Variants in NCKAP1L observed in about 807,000 individuals in gnomAD.
The protein encoded by NCKAP1L is nck-associated protein 1-like.
Under a neutral mutation model 139.2 loss-of-function variants are expected in NCKAP1L, and 53 were observed. That is an observed-to-expected ratio of 0.38 (90% CI 0.31 to 0.48). The LOEUF is 0.48. NCKAP1L is among the 20% of genes least tolerant of loss of function. The probability of loss-of-function intolerance (pLI) is 0.98; values close to 1 mark genes in which losing one functional copy is unlikely to be tolerated. For missense variants in NCKAP1L, 1,151 were observed against 1,381.9 expected (o/e 0.83, Z 2.65); for synonymous variants, 468 against 499.7 (o/e 0.94, Z 0.85).
At chr12:54,534,117 G>T (rs192292355) in intron 26 of NCKAP1L, among the ~76,000 whole-genome samples, 119 of 152,260 alleles carry the variant, frequency 7.8e-4, no homozygotes, top group African/African-American at 2.6e-3. Context: ...AAGGTAAAGA[G>T]AAATGCAAAA....
At chr12:54,527,948 G>A (rs544230726) in intron 21 of NCKAP1L, among the ~76,000 whole-genome samples, 1 of 152,280 alleles carries the variant, frequency 6.6e-6, no homozygotes, top group African/African-American at 2.4e-5. Flanking sequence ...AAGGGTGAGG[G>A]GAATACAGCT....
At chr12:54,538,994 G>A (rs1189302448) in intron 30 of NCKAP1L, 21 bp downstream of exon 30, 1 of 1,607,346 alleles carries the variant, frequency 6.2e-7, no homozygotes, top group Non-Finnish European at 8.5e-7. Flanking sequence ...TATTTAAATT[G>A]GTGTGAGAAT....
In NCKAP1L at chr12:54,523,391, A is replaced by G; in HGVS notation, c.1879-3A>G. On this transcript the variant is annotated splice_region_variant and splice_polypyrimidine_tract_variant and intron_variant, in intron 18 of 30. Transcript: ENST00000293373. ...CTCCATTTACCTGTGTTTGTTTCTG[A>G]AGCTTCTACCTAAGCACTGTGCCAC... The G allele has an allele frequency of 6.2e-7, 1 of 1,607,068 alleles. No homozygotes were observed. The highest frequency in any genetic ancestry group is 8.5e-7 in the Non-Finnish European group (1 of 1,178,098).
At chr12:54,509,386 C>G (rs1341156282) in intron 5 of NCKAP1L, among the ~76,000 whole-genome samples, 2 of 152,136 alleles carry the variant, frequency 1.3e-5, no homozygotes, top group African/African-American at 4.8e-5. Context: ...AACTAATTAA[C>G]AGATTTATAG....
chr12:54,533,992 G>A (rs1336430838), intron 26 of NCKAP1L, among the ~76,000 whole-genome samples: 1 of 152,186 alleles, frequency 6.6e-6, no homozygotes, highest in Non-Finnish European at 1.5e-5. Context: ...GGGAGTAGGG[G>A]CTTGGGGCTG....
At chr12:54,508,293 G>T in intron 4 of NCKAP1L, 96 bp from the exon 5 acceptor site, 1 of 1,213,946 alleles carries the variant, frequency 8.2e-7, no homozygotes, top group South Asian at 1.4e-5. Flanking sequence ...GATTCACTCG[G>T]AATATATTGA....
chr12:54,507,991 G>A lies in NCKAP1L; in HGVS notation c.363+82G>A, dbSNP rs985427502. 37 of 1,219,194 alleles carry A rather than the reference G, an allele frequency of 3.0e-5. No homozygotes were observed. The African/African-American group carries it at 5.4e-4, about 18-fold the overall frequency. The allele number at this position is 1,219,194 out of a possible 1,614,324, so 75.5% of individuals were successfully genotyped here. On this transcript the variant is annotated intron_variant, in intron 4 of 30. Coordinates refer to ENST00000293373, the MANE Select transcript of NCKAP1L (RefSeq NM_005337.5). The stretch of plus-strand genomic sequence containing the variant: ...GTTGGGAGGTCTAGGTCTACTCACA[G>A]GATGGGGTGGGAAGGGACTGGAAGG...
intron 18 of NCKAP1L, among the ~76,000 whole-genome samples, chr12:54,522,092 C>A (rs566956758): frequency 3.3e-5 from 5 of 152,110 alleles, no homozygotes; most frequent in Non-Finnish European, 2.9e-5. Flanking sequence ...TGGTACTTAC[C>A]GGGCACAAAG....
At chr12:54,503,964 T>G (rs1956822262) in intron 3 of NCKAP1L, among the ~76,000 whole-genome samples, 1 of 152,146 alleles carries the variant, frequency 6.6e-6, no homozygotes, top group Admixed American at 6.6e-5. Context: ...TTATATTAAT[T>G]GGTATAGAAA....
chr12:54,500,104 CTCTT>C (rs1430240913), intron 2 of NCKAP1L, among the ~76,000 whole-genome samples: 1 of 139,424 alleles, frequency 7.2e-6, no homozygotes, highest in Non-Finnish European at 1.5e-5. Flanking sequence ...TATTTCAACT[CTCTT>C]TCTTTTTCTT....
intron 10 of NCKAP1L, 113 bp from the exon 11 acceptor site, chr12:54,516,783 G>C: frequency 1.1e-6 from 1 of 908,930 alleles, no homozygotes; most frequent in African/African-American, 1.7e-5. Flanking sequence ...CTTGAGCATT[G>C]AACCTTCCTT....
intron 18 of NCKAP1L, among the ~76,000 whole-genome samples, chr12:54,522,709 G>A (rs1956993886): frequency 6.6e-6 from 1 of 152,240 alleles, no homozygotes; most frequent in Non-Finnish European, 1.5e-5. Flanking sequence ...TGCTCTCAGA[G>A]TGATTTCAAC....
Position 54,529,652 on chromosome 12 carries a change from C to T in NCKAP1L, c.2506+1275C>T, listed in dbSNP as rs572950113. On this transcript the variant is annotated intron_variant, in intron 22 of 30. Transcript: ENST00000293373. ...CAGGTTTCAGATGTCCCCTTCTCAT[C>T]AACTCTACCCACAAACTGTAGGCAG... Among the ~76,000 whole-genome samples the T allele has an allele frequency of 2.6e-5, 4 of 152,326 alleles. No homozygotes were observed. The South Asian group carries it at 8.3e-4, about 32-fold the overall frequency.
chr12:54,524,184 C>A (rs1262182911), intron 20 of NCKAP1L, among the ~76,000 whole-genome samples: 1 of 152,080 alleles, frequency 6.6e-6, no homozygotes, highest in Non-Finnish European at 1.5e-5. Context: ...TGATGAACAC[C>A]CTAAATTGAA....
intron 15 of NCKAP1L, 26 bp downstream of exon 15, chr12:54,518,998 T>C (rs758522401): frequency 1.2e-6 from 2 of 1,603,900 alleles, no homozygotes; most frequent in Non-Finnish European, 1.7e-6. Flanking sequence ...TGTTAAAGAT[T>C]CTCATCCTCA....
intron 9 of NCKAP1L, among the ~76,000 whole-genome samples, chr12:54,513,450 A>G (rs549999823): frequency 6.6e-6 from 1 of 152,260 alleles, no homozygotes; most frequent in South Asian, 2.1e-4. Flanking sequence ...AGTAGTTGAG[A>G]TTACTCAGGA....
In NCKAP1L at chr12:54,531,531, G is replaced by A; in HGVS notation, c.2645G>A (p.Arg882Lys). 3.7e-6 allele frequency: 6 copies of A among 1,614,198 alleles called. No individual in the cohort carries two copies. The highest frequency in any genetic ancestry group is 5.1e-6 in the Non-Finnish European group (6 of 1,180,036). The change falls in exon 24 of 31, where the codon AGA (arginine) becomes AAA (lysine). Residue 882 changes from arginine (R) to lysine (K), a missense_variant. Transcript: ENST00000293373. ...VENMDILVQI[R>K]SNFSKPDLMA... ...AACATGGACATACTTGTTCAGATCA[G>A]ATCCAACTTTAGCAAGCCGGACTTG...
intron 19 of NCKAP1L, 99 bp from the exon 20 acceptor site, chr12:54,523,726 C>A: frequency 6.7e-7 from 1 of 1,487,016 alleles, no homozygotes; most frequent in South Asian, 1.3e-5. Flanking sequence ...CTCTTCTAGG[C>A]TGAGTATCCC....
intron 3 of NCKAP1L, among the ~76,000 whole-genome samples, chr12:54,506,785 T>TAAAAAAAAA (rs1291340610): frequency 9.9e-5 from 6 of 60,352 alleles, no homozygotes; most frequent in African/African-American, 1.5e-4. Context: ...GGCAACATAT[T>TAAAAAAAAA]AAAAAAAAAA....
Sources: gnomAD v4.1 joint callset for allele counts (sites outside exome capture counted in the v4.1 genomes callset) on GRCh38, gnomAD v4.1.1 for gene constraint, MANE v1.5 for transcripts, NCBI Gene and HGNC (gene_info 2026-07-23, HGNC 2026-07-21) for gene names.